COX7B2: variants seen among roughly 807,000 people sequenced by gnomAD.
COX7B2 encodes the protein cytochrome c oxidase subunit 7B2, also known as cytochrome c oxidase subunit 7B2, mitochondrial.
For missense variants in COX7B2, 109 were observed against 95.9 expected (o/e 1.14, Z -0.57); for synonymous variants, 37 against 32.1 (o/e 1.15, Z -0.51).
At chr4:46,750,519 T>C (rs1467556726) in intron 2 of COX7B2, among the ~76,000 whole-genome samples, 1 of 133,714 alleles carries the variant, frequency 7.5e-6, no homozygotes, top group East Asian at 2.5e-4. Context: ...AGTCCAGATA[T>C]TTACCAAAAT....
At chr4:46,748,037 A>G (rs148857924) in intron 2 of COX7B2, among the ~76,000 whole-genome samples, 11 of 152,296 alleles carry the variant, frequency 7.2e-5, no homozygotes, top group African/African-American at 1.7e-4. Context: ...TATTTACTTC[A>G]AAGTTCATGA....
Position 46,734,889 on chromosome 4 carries a change from G to A in COX7B2, c.*58C>T, listed in dbSNP as rs1465926909. ...GTGCTATATTTTAATAAGCAGTAGA[G>A]TGCTTACATGACAAGTTGGTTTTTT... On this transcript the variant is annotated 3_prime_UTR_variant, in exon 3 of 3. Coordinates refer to ENST00000355591, the MANE Select transcript of COX7B2 (RefSeq NM_130902.3). 1.3e-6 allele frequency: 2 copies of A among 1,579,610 alleles called. No homozygotes were observed. The highest frequency in any genetic ancestry group is 2.7e-5 in the African/African-American group (2 of 74,184).
intron 2 of COX7B2, among the ~76,000 whole-genome samples, chr4:46,775,352 G>A (rs775379947): frequency 6.6e-6 from 1 of 152,028 alleles, no homozygotes; most frequent in Non-Finnish European, 1.5e-5. Context: ...TCAGTTTGGT[G>A]TTGTAACAAA....
At chr4:46,765,249 GA>G (rs1716456209) in intron 2 of COX7B2, among the ~76,000 whole-genome samples, 1 of 152,120 alleles carries the variant, frequency 6.6e-6, no homozygotes, top group South Asian at 2.1e-4. Context: ...AAGAGAGTAG[GA>G]AAAACAGTTT....
chr4:46,739,328 A>ACAAAC (rs975971065), intron 2 of COX7B2, among the ~76,000 whole-genome samples: 17 of 151,782 alleles, frequency 1.1e-4, no homozygotes, highest in African/African-American at 3.4e-4. Context: ...AAATGATCAA[A>ACAAAC]CAAACCAAAC....
chr4:46,882,050 T>C (rs575712445), intron 1 of COX7B2, among the ~76,000 whole-genome samples: 1 of 152,330 alleles, frequency 6.6e-6, no homozygotes, highest in Non-Finnish European at 1.5e-5. Context: ...TTTCATTATT[T>C]ACCCAAAAGT....
chr4:46,754,712 G>GTATA (rs1231439934), intron 2 of COX7B2, among the ~76,000 whole-genome samples: 14 of 22,034 alleles, frequency 6.4e-4, no homozygotes, highest in African/African-American at 3.7e-3. Flanking sequence ...GTGTGTGTGT[G>GTATA]TGTGTGTGTG....
intron 2 of COX7B2, among the ~76,000 whole-genome samples, chr4:46,757,482 C>A (rs943175005): frequency 1.3e-5 from 2 of 152,046 alleles, no homozygotes; most frequent in African/African-American, 4.8e-5. Context: ...TTTTTAAAAA[C>A]TCACTTGTCA....
intron 1 of COX7B2, among the ~76,000 whole-genome samples, chr4:46,894,411 C>T (rs6819256): frequency 0.24 from 37,175 of 151,872 alleles, 4,749 homozygotes; most frequent in East Asian, 0.29. Flanking sequence ...ATTCAATAAA[C>T]GGTGCTGGAA....
intron 1 of COX7B2, among the ~76,000 whole-genome samples, chr4:46,871,269 T>G (rs1468246227): frequency 6.6e-6 from 1 of 152,214 alleles, no homozygotes; most frequent in African/African-American, 2.4e-5. Context: ...TAAATGGTAC[T>G]GGGGTAACTG....
intron 1 of COX7B2, among the ~76,000 whole-genome samples, chr4:46,900,895 T>C (rs1720037834): frequency 1.3e-5 from 2 of 152,208 alleles, no homozygotes; most frequent in South Asian, 2.1e-4. Context: ...ACCCAGATTA[T>C]GGTATTTTGT....
At chr4:46,872,477 G>A (rs557970690) in intron 1 of COX7B2, among the ~76,000 whole-genome samples, 7 of 152,158 alleles carry the variant, frequency 4.6e-5, no homozygotes, top group East Asian at 1.9e-4. Flanking sequence ...TAAAATAAAA[G>A]TTATAAATAA....
In COX7B2 at chr4:46,735,113, T is replaced by C. The variant is rs773603113; in HGVS notation, c.80A>G (p.His27Arg). 9.9e-6 allele frequency: 16 copies of C among 1,614,006 alleles called. No individual in the cohort carries two copies. Among genetic ancestry groups the C allele is most frequent in the Non-Finnish European group, 1.3e-5 (15 of 1,179,928 alleles). Residue 27 changes from histidine to arginine, a missense_variant, in exon 3 of 3, where the codon CAT becomes CGT. His to Arg is a conservative substitution (Grantham distance 29). Coordinates refer to ENST00000355591, the MANE Select transcript of COX7B2 (RefSeq NM_130902.3). ...ATGAAAATCTGGTGAGTGTTTTACA[T>C]GGCTATGTCTTGCCATGCTTTGCAG... is the stretch of plus-strand genomic sequence containing the variant. ...SILQSMARHSHVKHSPDFHDK... is the reference protein window; with the variant it reads ...SILQSMARHSRVKHSPDFHDK...
intron 2 of COX7B2, among the ~76,000 whole-genome samples, chr4:46,742,422 G>A (rs1426546323): frequency 6.6e-6 from 1 of 152,168 alleles, no homozygotes; most frequent in Non-Finnish European, 1.5e-5. Flanking sequence ...TGATGCTCAA[G>A]TAGGGATTAA....
chr4:46,768,876 A>G (rs1716704333), intron 2 of COX7B2, among the ~76,000 whole-genome samples: 1 of 152,150 alleles, frequency 6.6e-6, no homozygotes, highest in African/African-American at 2.4e-5. Context: ...GAGAAGAGAC[A>G]TTGCAACTAA....
At chr4:46,837,499 C>T (rs1264435633) in intron 2 of COX7B2, among the ~76,000 whole-genome samples, 2 of 151,852 alleles carry the variant, frequency 1.3e-5, no homozygotes, top group African/African-American at 4.8e-5. Flanking sequence ...ATTACATTGC[C>T]AGAATCTGTT....
chr4:46,839,475 T>C (rs1365298364), intron 2 of COX7B2, among the ~76,000 whole-genome samples: 1 of 151,982 alleles, frequency 6.6e-6, no homozygotes, highest in Non-Finnish European at 1.5e-5. Context: ...ATTGAGCTCA[T>C]TTTCATTATT....
chr4:46,822,959 T>C (rs549356176), intron 2 of COX7B2, among the ~76,000 whole-genome samples: 21 of 152,266 alleles, frequency 1.4e-4, no homozygotes, highest in South Asian at 1.0e-3. Context: ...GGTCTCAATA[T>C]AAACAATTAC....
At chr4:46,826,957 A>AATGT (rs1410544493) in intron 2 of COX7B2, among the ~76,000 whole-genome samples, 1 of 152,154 alleles carries the variant, frequency 6.6e-6, no homozygotes, top group Non-Finnish European at 1.5e-5. Context: ...CAATAACTGA[A>AATGT]ATGTAATTCA....
Sources: allele counts gnomAD v4.1 joint callset (sites outside exome capture counted in the v4.1 genomes callset), GRCh38; gene constraint gnomAD v4.1.1; transcripts MANE v1.5; gene names NCBI Gene and HGNC (gene_info 2026-07-23, HGNC 2026-07-21).